CACHD1: variants seen among roughly 807,000 people sequenced by gnomAD.
The protein encoded by CACHD1 is cache domain containing 1.
Under a neutral mutation model 138.7 loss-of-function variants are expected in CACHD1, and 71 were observed. The ratio of observed to expected loss-of-function variants is 0.51; its 90% CI spans 0.42 to 0.62. CACHD1 has a LOEUF of 0.62. Among genes scored for constraint, CACHD1 ranks in the 20% least tolerant of loss-of-function variants. CACHD1 has a pLI of 0.00. For missense variants in CACHD1, 1,389 were observed against 1,625.3 expected (o/e 0.85, Z 2.50); for synonymous variants, 578 against 591.5 (o/e 0.98, Z 0.33).
At chr1:64,580,349 A>G (rs1570387201) in intron 2 of CACHD1, among the ~76,000 whole-genome samples, 1 of 152,162 alleles carries the variant, frequency 6.6e-6, no homozygotes, top group Non-Finnish European at 1.5e-5. Context: ...CTCTCAATCA[A>G]AGTTTTTCTG....
intron 1 of CACHD1, among the ~76,000 whole-genome samples, chr1:64,521,205 T>C (rs563369607): frequency 2.0e-5 from 3 of 152,180 alleles, no homozygotes; most frequent in African/African-American, 7.2e-5. Context: ...GGTCTCAGTT[T>C]CCCTCCTAGC....
intron 2 of CACHD1, among the ~76,000 whole-genome samples, chr1:64,555,587 A>C (rs1234401862): frequency 6.6e-6 from 1 of 151,950 alleles, no homozygotes; most frequent in Non-Finnish European, 1.5e-5. Context: ...TGCCCGGGTA[A>C]TTTTTGTAGT....
intron 4 of CACHD1, among the ~76,000 whole-genome samples, chr1:64,605,136 T>G (rs964501869): frequency 3.3e-5 from 5 of 151,964 alleles, no homozygotes; most frequent in African/African-American, 1.2e-4. Context: ...GGCTAATTTT[T>G]GTATTTTTAG....
At chr1:64,670,455 G>C (rs1196093153) in intron 16 of CACHD1, among the ~76,000 whole-genome samples, 1 of 152,150 alleles carries the variant, frequency 6.6e-6, no homozygotes, top group African/African-American at 2.4e-5. Context: ...TAAATAATAG[G>C]CTCTTAGAAA....
intron 1 of CACHD1, among the ~76,000 whole-genome samples, chr1:64,491,945 G>GT (rs11445405): frequency 0.1 from 15,314 of 147,310 alleles, 1,933 homozygotes; most frequent in African/African-American, 0.31. Context: ...TTTGTTTTTT[G>GT]TTTTTTTTTT....
At chr1:64,639,792 A>C (rs139600537) in intron 7 of CACHD1, among the ~76,000 whole-genome samples, 107 of 152,378 alleles carry the variant, frequency 7.0e-4, no homozygotes, top group African/African-American at 2.1e-3. Flanking sequence ...AAATTATTCC[A>C]ACACTCTGTG....
chr1:64,672,060 A>G (rs564321750), intron 17 of CACHD1, among the ~76,000 whole-genome samples: 5 of 152,186 alleles, frequency 3.3e-5, no homozygotes, highest in Non-Finnish European at 7.3e-5. Flanking sequence ...TCTTTGTGAC[A>G]TTTTCAGCTG....
chr1:64,635,067 G>T (rs1467611745), intron 7 of CACHD1, among the ~76,000 whole-genome samples: 1 of 150,266 alleles, frequency 6.7e-6, no homozygotes, highest in Non-Finnish European at 1.5e-5. Flanking sequence ...TCTAATTATA[G>T]AGTGTTAACT....
chr1:64,573,364 C>G (rs1316183939), intron 2 of CACHD1, among the ~76,000 whole-genome samples: 1 of 152,208 alleles, frequency 6.6e-6, no homozygotes, highest in African/African-American at 2.4e-5. Flanking sequence ...TCACCACACA[C>G]TGAATCTGCT....
intron 1 of CACHD1, among the ~76,000 whole-genome samples, chr1:64,513,781 A>G (rs542108617): frequency 3.3e-5 from 5 of 152,366 alleles, no homozygotes; most frequent in South Asian, 2.1e-4. Context: ...TTGCTGTTCA[A>G]TGGAAGCCAC....
At chr1:64,542,423 TG>T (rs1260744914) in intron 1 of CACHD1, among the ~76,000 whole-genome samples, 1 of 152,160 alleles carries the variant, frequency 6.6e-6, no homozygotes, top group African/African-American at 2.4e-5. Flanking sequence ...CGCAAGTCAC[TG>T]TGCCATTCAA....
Position 64,639,243 on chromosome 1 carries a change from GTA to G in CACHD1, c.1007-2571_1007-2570del, listed in dbSNP as rs916813609. On this transcript the variant is annotated intron_variant, in intron 7 of 26. Coordinates refer to ENST00000651257, the MANE Select transcript of CACHD1 (RefSeq NM_020925.4). ...TAGATCCTCCTCATGCTGTATCTAT[GTA>G]TATATGTTCCCTCCAACTAGGGACT... Among the ~76,000 whole-genome samples, 17 of 152,266 alleles carry G rather than the reference GTA, an allele frequency of 1.1e-4. No homozygotes were observed. The South Asian group carries it at 2.5e-3, about 22-fold the overall frequency.
chr1:64,601,719 A>C (rs1351287069), intron 3 of CACHD1, among the ~76,000 whole-genome samples: 1 of 152,234 alleles, frequency 6.6e-6, no homozygotes, highest in Non-Finnish European at 1.5e-5. Flanking sequence ...CCAGTGGTCA[A>C]ATGGATATTG....
intron 8 of CACHD1, among the ~76,000 whole-genome samples, chr1:64,645,435 G>A (rs565494757): frequency 1.2e-4 from 18 of 151,882 alleles, no homozygotes; most frequent in East Asian, 3.9e-4. Context: ...TCAAAACATC[G>A]CATGTACACC....
At chr1:64,667,954 T>A (rs1649688813) in intron 16 of CACHD1, among the ~76,000 whole-genome samples, 1 of 152,230 alleles carries the variant, frequency 6.6e-6, no homozygotes, top group Non-Finnish European at 1.5e-5. Context: ...GGAAGAATTT[T>A]GATTTGGTTT....
rs77925928 is a variant in CACHD1 at position 64,641,423 on chromosome 1, C to T, written c.1007-397C>T. Among the ~76,000 whole-genome samples the T allele has an allele frequency of 1.0e-2, 1,517 of 152,260 alleles. 27 individuals carry two copies. The highest frequency in any genetic ancestry group is 0.034 in the African/African-American group (1,402 of 41,558). ...ATTTTAAAGCCTGGTCCTCAAGAAA[C>T]GAGCATTCATGGTGATGTTCCTGCA... On this transcript the variant is annotated intron_variant, in intron 7 of 26. Coordinates refer to ENST00000651257, the MANE Select transcript of CACHD1 (RefSeq NM_020925.4).
intron 1 of CACHD1, among the ~76,000 whole-genome samples, chr1:64,492,619 T>C (rs1047083935): frequency 3.3e-5 from 5 of 151,880 alleles, no homozygotes; most frequent in African/African-American, 1.2e-4. Context: ...AAGCTCCAGG[T>C]GCCCAGCAGC....
At chr1:64,525,216 A>G (rs1161609958) in intron 1 of CACHD1, among the ~76,000 whole-genome samples, 1 of 152,186 alleles carries the variant, frequency 6.6e-6, no homozygotes, top group Non-Finnish European at 1.5e-5. Context: ...AAAGTTTGGT[A>G]TTAGGTATCT....
In CACHD1 at chr1:64,679,718, G is replaced by A. The variant is rs578134360; in HGVS notation, c.3368G>A (p.Arg1123His). The A allele has an allele frequency of 3.0e-5, 48 of 1,614,074 alleles. No homozygotes were observed. In the South Asian group the frequency reaches 3.5e-4, roughly 12 times the overall value. ...TATGCCTACCGCCACCAGATTCATC[G>A]CCGGAGCCATCAGCATATGTCTCCT... ...AVYAYRHQIH[R>H]RSHQHMSPLA... The change falls in exon 24 of 27, where the codon CGC becomes CAC. Residue 1123 changes from arginine (R) to histidine (H), a missense_variant. Physicochemically the swap from Arg to His is conservative, Grantham distance 29. This residue lies in a region of CACHD1 where 250 missense variants were observed against 292.9 expected (regional missense o/e 0.85). Coordinates refer to ENST00000651257, the MANE Select transcript of CACHD1 (RefSeq NM_020925.4).
Sources: allele counts gnomAD v4.1 joint callset (sites outside exome capture counted in the v4.1 genomes callset), GRCh38; gene constraint gnomAD v4.1.1; regional missense constraint gnomAD v4.1.1; transcripts MANE v1.5; gene names NCBI Gene and HGNC (gene_info 2026-07-23, HGNC 2026-07-21).